Variants in KAZN observed in about 807,000 individuals in gnomAD.
KAZN encodes kazrin, periplakin interacting protein.
A neutral mutation model predicts 87.4 loss-of-function variants in KAZN; 40 were observed. That is an observed-to-expected ratio of 0.46 (90% CI 0.36 to 0.60). KAZN has a LOEUF of 0.60. Ranked by LOEUF, KAZN falls within the 20% of genes least tolerant of loss-of-function variation. The pLI is 0.00. For missense variants in KAZN, 898 were observed against 1,073.9 expected, an observed-to-expected ratio of 0.84 and a Z score of 2.29; for synonymous variants, 466 against 458.3, an observed-to-expected ratio of 1.02 and a Z score of -0.22.
At chr1:14,476,248 T>TC (rs1248740106) in intron 2 of KAZN, among the ~76,000 whole-genome samples, 1 of 152,230 alleles carries the variant, frequency 6.6e-6, no homozygotes, top group African/African-American at 2.4e-5. Flanking sequence ...TTATTCATTC[T>TC]CCTCCCTCCC....
At chr1:14,328,876 G>C (rs1023694755) in intron 2 of KAZN, among the ~76,000 whole-genome samples, 2 of 151,240 alleles carry the variant, frequency 1.3e-5, no homozygotes, top group African/African-American at 4.9e-5. Context: ...TGCAAAATAT[G>C]TTGGGAGGGT....
At chr1:14,574,101 A>C (rs1675034403) in intron 2 of KAZN, among the ~76,000 whole-genome samples, 1 of 152,168 alleles carries the variant, frequency 6.6e-6, no homozygotes, top group Admixed American at 6.5e-5. Flanking sequence ...AGACTCTAGA[A>C]AATCTACAAG....
intron 1 of KAZN, among the ~76,000 whole-genome samples, chr1:13,966,392 C>T (rs913715697): frequency 6.6e-6 from 1 of 152,178 alleles, no homozygotes; most frequent in Non-Finnish European, 1.5e-5. Flanking sequence ...TCTGACCTGT[C>T]TTTACAGTGG....
intron 1 of KAZN, among the ~76,000 whole-genome samples, chr1:14,608,653 A>G (rs1276268321): frequency 2.6e-5 from 4 of 152,304 alleles, no homozygotes; most frequent in African/African-American, 4.8e-5. Context: ...TGTGGATGAT[A>G]CTGGGTTTAG....
At chr1:14,307,065 C>G (rs1654978993) in intron 2 of KAZN, among the ~76,000 whole-genome samples, 1 of 152,132 alleles carries the variant, frequency 6.6e-6, no homozygotes, top group Admixed American at 6.6e-5. Flanking sequence ...CCTAAAGCAC[C>G]CAGCAGAAAG....
intron 1 of KAZN, among the ~76,000 whole-genome samples, chr1:14,016,517 C>A (rs1214016177): frequency 6.6e-6 from 1 of 151,964 alleles, no homozygotes; most frequent in Non-Finnish European, 1.5e-5. Context: ...TCTTAGCTCT[C>A]AAAGGATCAG....
intron 2 of KAZN, among the ~76,000 whole-genome samples, chr1:14,306,707 C>A (rs1654955503): frequency 6.6e-6 from 1 of 152,124 alleles, no homozygotes; most frequent in South Asian, 2.1e-4. Context: ...AATGAGCAGC[C>A]AATCGCAGAC....
At chr1:15,112,099 TC>T (rs1553192329) in intron 13 of KAZN, 1 of 135,844 alleles carries the variant, frequency 7.4e-6, no homozygotes, top group South Asian at 1.2e-4. Flanking sequence ...AGAGTTAAGA[TC>T]AAGACTTTGG....
At position 14,964,339 on chromosome 1, in the gene KAZN, T is replaced by C. The variant is rs112907942; in HGVS notation, c.418+3464T>C. On this transcript the variant is annotated intron_variant, in intron 2 of 14. Coordinates refer to ENST00000376030, the MANE Select transcript of KAZN (RefSeq NM_201628.3). ...TTGAGGTGTAAAGTGCATGGCCTGG[T>C]GTGTAGTACCATTAGTGCCAATACT... 5.5e-3 allele frequency among the ~76,000 whole-genome samples: 827 copies of C among 150,846 alleles called. 5 individuals carry two copies. The highest frequency in any genetic ancestry group is 0.013 in the South Asian group (63 of 4,764).
chr1:13,903,532 C>T (rs753518279), intron 1 of KAZN, among the ~76,000 whole-genome samples: 47 of 152,280 alleles, frequency 3.1e-4, no homozygotes, highest in Middle Eastern at 3.4e-3. Context: ...AGGACAAAGA[C>T]AATGTCATGA....
intron 1 of KAZN, among the ~76,000 whole-genome samples, chr1:14,682,795 G>T (rs936486734): frequency 1.3e-5 from 2 of 152,118 alleles, no homozygotes; most frequent in Admixed American, 1.3e-4. Context: ...GACCCAGGAG[G>T]TCTTTAAATG....
chr1:14,723,781 C>T (rs573914718), intron 1 of KAZN, among the ~76,000 whole-genome samples: 5 of 152,300 alleles, frequency 3.3e-5, no homozygotes, highest in Admixed American at 6.5e-5. Flanking sequence ...TCCTGGGATA[C>T]GGCTTTGACT....
intron 2 of KAZN, among the ~76,000 whole-genome samples, chr1:14,515,081 G>C (rs1017946440): frequency 6.6e-6 from 1 of 151,998 alleles, no homozygotes; most frequent in African/African-American, 2.4e-5. Flanking sequence ...AGTTCTTCTA[G>C]AATGGACAAA....
At chr1:14,049,728 G>T (rs1386056700) in intron 1 of KAZN, among the ~76,000 whole-genome samples, 1 of 151,992 alleles carries the variant, frequency 6.6e-6, no homozygotes, top group Non-Finnish European at 1.5e-5. Context: ...AACTGATGTT[G>T]ACGGAGATTT....
chr1:14,418,865 G>GT (rs1474421957), intron 2 of KAZN, among the ~76,000 whole-genome samples: 1 of 152,200 alleles, frequency 6.6e-6, no homozygotes, highest in Non-Finnish European at 1.5e-5. Flanking sequence ...GTACACTTGT[G>GT]TGTGTGCAAA....
chr1:14,070,133 C>A (rs1468764360), intron 1 of KAZN, among the ~76,000 whole-genome samples: 1 of 129,330 alleles, frequency 7.7e-6, no homozygotes, highest in Admixed American at 8.9e-5. Flanking sequence ...CGCACCACTG[C>A]ATTCCAGCTT....
chr1:14,855,560 A>G (rs575421820), intron 1 of KAZN, among the ~76,000 whole-genome samples: 2 of 152,312 alleles, frequency 1.3e-5, no homozygotes, highest in South Asian at 2.1e-4. Flanking sequence ...ATCATTTGGC[A>G]TCTGGTCAGC....
At chr1:14,607,964 T>C (rs1006663511) in intron 1 of KAZN, among the ~76,000 whole-genome samples, 1 of 152,220 alleles carries the variant, frequency 6.6e-6, no homozygotes, top group Non-Finnish European at 1.5e-5. Context: ...TACAGAGAGT[T>C]AGATATTGTT....
At chr1:14,816,104 T>C (rs1445671194) in intron 1 of KAZN, among the ~76,000 whole-genome samples, 1 of 152,168 alleles carries the variant, frequency 6.6e-6, no homozygotes, top group East Asian at 1.9e-4. Context: ...GAGGGTAGGA[T>C]GGCTTAAGTC....
Sources: gnomAD v4.1 joint callset for allele counts (sites outside exome capture counted in the v4.1 genomes callset) on GRCh38, gnomAD v4.1.1 for gene constraint, MANE v1.5 for transcripts, NCBI Gene and HGNC (gene_info 2026-07-23, HGNC 2026-07-21) for gene names.